Variants in RSAD2 observed in about 807,000 individuals in gnomAD.
The protein encoded by RSAD2 is radical S-adenosyl methionine domain containing 2.
Under a neutral mutation model 37.7 loss-of-function variants are expected in RSAD2, and 38 were observed. The observed-to-expected ratio is 1.01, with a 90% CI of 0.78 to 1.32. The LOEUF (loss-of-function observed/expected upper bound fraction) is 1.32, where lower values mean the gene tolerates loss of function less well. Ranked by LOEUF, RSAD2 falls within the 40% of genes most tolerant of loss-of-function variation. The pLI is 0.00. For synonymous variants in RSAD2, 163 were observed against 157.4 expected (o/e 1.04, Z -0.27); for missense variants, 428 against 437.5 (o/e 0.98, Z 0.19).
chr2:6,866,000 C>A, exon 1 of RSAD2: 1 of 663,962 alleles, frequency 1.5e-6, no homozygotes, highest in Non-Finnish European at 2.2e-6. Context: ...CAGGCGCCGG[C>A]TCCCGGGGCT....
upstream of RSAD2, among the ~76,000 whole-genome samples, chr2:6,874,020 T>A (rs1433760641): frequency 6.6e-6 from 1 of 152,176 alleles, no homozygotes; most frequent in East Asian, 1.9e-4. Flanking sequence ...AGTGATTGGA[T>A]CACGGGAGCA....
intron 1 of RSAD2, among the ~76,000 whole-genome samples, chr2:6,869,125 C>T (rs1262589222): frequency 6.6e-6 from 1 of 152,134 alleles, no homozygotes; most frequent in East Asian, 1.9e-4. Flanking sequence ...TCAAACACGT[C>T]CTGGTAGTTC....
rs751546038 is a variant in RSAD2, at chr2:6,890,260, G to T, written c.823G>T (p.Glu275Ter). Residue 275 changes from glutamate to a stop codon, truncating the protein, a stop_gained, in exon 4 of 6, where the codon GAA becomes TAA. Transcript: ENST00000382040. LOFTEE classifies it high-confidence loss of function. ...AGAAAGATTTGTTATTGGTGATGAA[G>T]AATTTGAAAGATTCTTGGAGCGCCA... is the stretch of plus-strand genomic sequence containing the variant. Reference protein sequence around the residue: ...EAERFVIGDEEFERFLERHKE... With the variant: ...EAERFVIGDE The T allele has an allele frequency of 1.9e-6, 3 of 1,614,196 alleles. No homozygotes were observed. Among genetic ancestry groups the T allele is most frequent in the South Asian group, 1.1e-5 (1 of 91,084 alleles).
Position 6,869,294 on chromosome 2 carries a change from T to C in RSAD2, c.142+3249T>C, listed in dbSNP as rs78111605. 3.7e-3 allele frequency among the ~76,000 whole-genome samples: 556 copies of C among 152,302 alleles called. 6 individuals carry two copies. The East Asian group carries it at 0.046, about 12-fold the overall frequency. On this transcript the variant is annotated intron_variant, in intron 1 of 5. Transcript: ENST00000442639. ...CCCAGTTGGGAGTCTAACATGCTCC[T>C]GAGTCTTATGAGTCCTGTTTGTGAA...
At chr2:6,875,839 C>T (rs1663271939), upstream of RSAD2, among the ~76,000 whole-genome samples, 2 of 152,188 alleles carry the variant, frequency 1.3e-5, no homozygotes, top group South Asian at 2.1e-4. Flanking sequence ...TATAATTCAT[C>T]TAGAAGGGTT....
chr2:6,867,142 T>A (rs1278750044), intron 1 of RSAD2, among the ~76,000 whole-genome samples: 1 of 152,212 alleles, frequency 6.6e-6, no homozygotes, highest in Admixed American at 6.5e-5. Context: ...CTGCTTGACC[T>A]TTTCCCTATG....
intron 2 of RSAD2, among the ~76,000 whole-genome samples, chr2:6,884,691 G>T (rs1322828514): frequency 6.6e-6 from 1 of 152,186 alleles, no homozygotes; most frequent in Non-Finnish European, 1.5e-5. Flanking sequence ...TATAAGAAAA[G>T]ACACTGTCAG....
chr2:6,867,576 C>A (rs1473320450), intron 1 of RSAD2, among the ~76,000 whole-genome samples: 1 of 152,150 alleles, frequency 6.6e-6, no homozygotes, highest in East Asian at 1.9e-4. Flanking sequence ...CCTATAACCC[C>A]CCACATATCT....
At chr2:6,868,632 C>T (rs1366527909) in intron 1 of RSAD2, among the ~76,000 whole-genome samples, 1 of 152,230 alleles carries the variant, frequency 6.6e-6, no homozygotes, top group African/African-American at 2.4e-5. Context: ...TAAGCTCTCT[C>T]CCGCATAACC....
chr2:6,870,125 T>C (rs1183665892), intron 1 of RSAD2, among the ~76,000 whole-genome samples: 1 of 152,248 alleles, frequency 6.6e-6, no homozygotes, highest in African/African-American at 2.4e-5. Flanking sequence ...CCTTTTGTTC[T>C]CTGGAAAATA....
At chr2:6,872,947 A>AC (rs1191360564), upstream of RSAD2, among the ~76,000 whole-genome samples, 2 of 152,222 alleles carry the variant, frequency 1.3e-5, no homozygotes, top group Non-Finnish European at 2.9e-5. Flanking sequence ...CCTCTAAACT[A>AC]CAAACAGTTT....
chr2:6,889,616 AC>A (rs1307941154), intron 3 of RSAD2, among the ~76,000 whole-genome samples: 3 of 152,142 alleles, frequency 2.0e-5, no homozygotes, highest in Non-Finnish European at 4.4e-5. Context: ...TCTAGGACTG[AC>A]TTTTATTTTC....
At chr2:6,892,348 G>A (rs1487421918) in intron 4 of RSAD2, among the ~76,000 whole-genome samples, 1 of 152,184 alleles carries the variant, frequency 6.6e-6, no homozygotes, top group East Asian at 1.9e-4. Flanking sequence ...GAGAAAGGGG[G>A]TAGAGGAGGT....
chr2:6,882,509 G>A (rs1042589814), intron 1 of RSAD2, among the ~76,000 whole-genome samples: 5 of 152,212 alleles, frequency 3.3e-5, no homozygotes, highest in African/African-American at 1.2e-4. Context: ...AGAAAATAGT[G>A]GTTAAATTTA....
In RSAD2 at chr2:6,889,851, A is replaced by G. The variant is rs116468757; in HGVS notation, c.739-325A>G. 9.2e-3 allele frequency among the ~76,000 whole-genome samples: 1,396 copies of G among 152,306 alleles called. 24 individuals are homozygous for G. The highest frequency in any genetic ancestry group is 0.03 in the African/African-American group (1,252 of 41,562). On this transcript the variant is annotated intron_variant, in intron 3 of 5. Transcript: ENST00000382040. The stretch of plus-strand genomic sequence containing the variant: ...GTTTTTCTGGGTTATGGGATTACAC[A>G]TGATTTATTTTTATGCTCTTTTATA...
At chr2:6,890,396 A>G in intron 4 of RSAD2, 71 bp downstream of exon 4, 1 of 1,508,588 alleles carries the variant, frequency 6.6e-7, no homozygotes. Context: ...GAAGTCTCTC[A>G]GCCAAGGACC....
In RSAD2 at chr2:6,897,986, C is replaced by T. The variant is rs1355612249; in HGVS notation, c.*2044C>T. On this transcript the variant is annotated 3_prime_UTR_variant, in exon 6 of 6. Coordinates refer to ENST00000382040, the MANE Select transcript of RSAD2 (RefSeq NM_080657.5). ...CTCCAGCCTGGATGACAGAGCAAGA[C>T]TCCGTCTCAAAAAAAAAAAAAAAAA... 4 of 136,550 alleles carry T rather than the reference C, an allele frequency of 2.9e-5. No homozygotes were observed. The highest frequency in any genetic ancestry group is 1.1e-4 in the African/African-American group (4 of 36,394). 8.5% of individuals were successfully genotyped at this position (136,550 alleles called of 1,614,324 possible).
intron 2 of RSAD2, among the ~76,000 whole-genome samples, chr2:6,886,678 A>T (rs544555934): frequency 1.4e-4 from 21 of 152,366 alleles, no homozygotes; most frequent in African/African-American, 4.8e-4. Context: ...ATATATCAGT[A>T]AGTGCTCACA....
At chr2:6,892,238 C>T (rs16865715) in intron 4 of RSAD2, among the ~76,000 whole-genome samples, 2,736 of 152,264 alleles carry the variant, frequency 0.018, 81 homozygotes, top group African/African-American at 0.063. Context: ...CTTTAGACTT[C>T]TGAGGCTCTA....
Sources: gnomAD v4.1 joint callset for allele counts (sites outside exome capture counted in the v4.1 genomes callset) on GRCh38, gnomAD v4.1.1 for gene constraint, MANE v1.5 for transcripts, NCBI Gene and HGNC (gene_info 2026-07-23, HGNC 2026-07-21) for gene names.